MMP26: variants seen among roughly 807,000 people sequenced by gnomAD.
MMP26 encodes matrix metallopeptidase 26, also known as matrix metalloproteinase-26.
A neutral mutation model predicts 31.0 loss-of-function variants in MMP26; 33 were observed. The ratio of observed to expected loss-of-function variants is 1.06; its 90% CI spans 0.81 to 1.42. The LOEUF is 1.42. MMP26 is among the 40% of genes most tolerant of loss of function. The pLI, the probability that MMP26 is intolerant of heterozygous loss-of-function variation, is 0.00. For missense variants in MMP26, 347 were observed against 316.1 expected (o/e 1.10, Z -0.74); for synonymous variants, 122 against 114.9 (o/e 1.06, Z -0.40).
At chr11:4,943,463 T>C (rs1348864156) in intron 2 of MMP26, 6 of 456,192 alleles carry the variant, frequency 1.3e-5, no homozygotes, top group Middle Eastern at 3.3e-4. Context: ...CATTTGTTAT[T>C]TGATAGTTAC....
chr11:4,972,713 G>T (rs1014214902), intron 2 of MMP26, among the ~76,000 whole-genome samples: 2 of 152,128 alleles, frequency 1.3e-5, no homozygotes, highest in Non-Finnish European at 2.9e-5. Context: ...TGTGTTCATA[G>T]GAGTGGTAAG....
chr11:4,709,927 T>C (rs1013192362), intron 1 of MMP26: 1 of 457,010 alleles, frequency 2.2e-6, no homozygotes, highest in Non-Finnish European at 4.4e-6. Context: ...CTTTTGGCAA[T>C]GGCCTTTGAC....
chr11:4,788,947 G>T (rs1269600512), intron 2 of MMP26, among the ~76,000 whole-genome samples: 4 of 152,058 alleles, frequency 2.6e-5, no homozygotes, highest in Non-Finnish European at 4.4e-5. Context: ...TTTTTGCCCT[G>T]GTATTACCTA....
chr11:4,858,874 A>T (rs2133509369), intron 2 of MMP26, among the ~76,000 whole-genome samples: 1 of 152,282 alleles, frequency 6.6e-6, no homozygotes, highest in East Asian at 1.9e-4. Context: ...CAAAACAGAG[A>T]TCTAGACCAA....
At chr11:4,937,850 G>A (rs113461373) in intron 2 of MMP26, 2,844 of 152,704 alleles carry the variant, frequency 0.019, 34 homozygotes, top group Middle Eastern at 0.037. Context: ...GAAGTCAGAA[G>A]AACCCCTGTT....
intron 2 of MMP26, among the ~76,000 whole-genome samples, chr11:4,829,552 C>T (rs115420055): frequency 0.016 from 2,394 of 152,164 alleles, 58 homozygotes; most frequent in African/African-American, 0.054. Flanking sequence ...TGAACAATTT[C>T]CCTTCTGAAC....
chr11:4,830,821 C>T (rs1207530216), intron 2 of MMP26, among the ~76,000 whole-genome samples: 1 of 152,112 alleles, frequency 6.6e-6, no homozygotes, highest in Non-Finnish European at 1.5e-5. Flanking sequence ...GCACTGGTCA[C>T]CAATCTGAAG....
At chr11:4,761,048 G>C (rs1019268406) in intron 1 of MMP26, among the ~76,000 whole-genome samples, 1 of 152,188 alleles carries the variant, frequency 6.6e-6, no homozygotes, top group East Asian at 1.9e-4. Context: ...AAACAGTGGA[G>C]GGTGAGTGGA....
intron 2 of MMP26, chr11:4,913,301 G>T (rs181690277): frequency 1.2e-4 from 18 of 152,314 alleles, no homozygotes; most frequent in African/African-American, 4.1e-4. Flanking sequence ...GTACTAGATT[G>T]CCTTGGAAGA....
At chr11:4,910,817 A>C (rs1333179104) in intron 2 of MMP26, among the ~76,000 whole-genome samples, 2 of 148,312 alleles carry the variant, frequency 1.3e-5, no homozygotes, top group African/African-American at 5.0e-5. Flanking sequence ...TAAATGCATG[A>C]GTGACCATCA....
chr11:4,978,007 C>T (rs985505038), intron 2 of MMP26, among the ~76,000 whole-genome samples: 2 of 151,948 alleles, frequency 1.3e-5, no homozygotes, highest in African/African-American at 4.8e-5. Flanking sequence ...ATGGTTCCCC[C>T]ATGTTGTTTT....
chr11:4,746,286 A>G lies in MMP26; in HGVS notation c.-216-20984A>G, dbSNP rs541173829. Among the ~76,000 whole-genome samples the G allele has an allele frequency of 2.0e-5, 3 of 152,354 alleles. No individual in the cohort carries two copies. In the South Asian group the frequency reaches 6.2e-4, roughly 32 times the overall value. On this transcript the variant is annotated intron_variant, in intron 1 of 7. Transcript: ENST00000380390. ...TTTGATTTTATACCATGGTTGCAGT[A>G]AAGTAGAATTACTGGTTAAAGTTCT...
At chr11:4,946,843 G>A (rs775979840) in intron 2 of MMP26, 22 of 1,589,410 alleles carry the variant, frequency 1.4e-5, no homozygotes, top group Non-Finnish European at 1.9e-5. Context: ...TGAACAGGAA[G>A]ATGCTTAACA....
At chr11:4,721,368 A>C (rs1213863976) in intron 1 of MMP26, among the ~76,000 whole-genome samples, 1 of 152,166 alleles carries the variant, frequency 6.6e-6, no homozygotes, top group African/African-American at 2.4e-5. Context: ...ATGCTAGTTG[A>C]CAATTTTGGG....
At chr11:4,988,802 T>A (rs1423572766) in intron 3 of MMP26, among the ~76,000 whole-genome samples, 1 of 152,200 alleles carries the variant, frequency 6.6e-6, no homozygotes, top group African/African-American at 2.4e-5. Context: ...TTATAACTGG[T>A]TGCAGTCATG....
intron 2 of MMP26, chr11:4,915,233 G>C: frequency 6.2e-7 from 1 of 1,613,982 alleles, no homozygotes; most frequent in Middle Eastern, 1.7e-4. Flanking sequence ...GCCAATGACT[G>C]TGTTGGTGAG....
rs752439769 is a variant in MMP26, at chr11:4,769,487, A to G, written c.-145+2146A>G. 4 of 1,613,830 alleles carry G rather than the reference A, an allele frequency of 2.5e-6. No individual in the cohort carries two copies. The African/African-American group carries it at 5.3e-5, about 22-fold the overall frequency. ...TGTAATCATCAGAAGACCCATTTGAATGATTCTGGAATTAGTGAGAATGGT... is the reference window on the plus strand; with the variant it reads ...TGTAATCATCAGAAGACCCATTTGAGTGATTCTGGAATTAGTGAGAATGGT... On this transcript the variant is annotated intron_variant, in intron 2 of 7. Transcript: ENST00000380390.
intron 2 of MMP26, among the ~76,000 whole-genome samples, chr11:4,905,457 A>G (rs546162057): frequency 1.3e-5 from 2 of 152,282 alleles, no homozygotes; most frequent in South Asian, 4.1e-4. Flanking sequence ...AAAATACAGT[A>G]TGAATTCACA....
rs908422594 is a variant in MMP26, at chr11:4,710,567, C to A, written c.-217+5522C>A. ...AAGTCTTCCCTGACCCATGTTTGAT[C>A]ATTCAGTACTGTGAGTTACTGTTGT... On this transcript the variant is annotated intron_variant, in intron 1 of 7. Transcript: ENST00000380390. The A allele has an allele frequency of 1.4e-5, 5 of 368,102 alleles. 1 individual carries two copies. Among genetic ancestry groups the A allele is most frequent in the Non-Finnish European group, 2.2e-5 (4 of 183,522 alleles). The allele number at this position is 368,102 out of a possible 1,614,324, so 22.8% of individuals were successfully genotyped here.
Sources: gnomAD v4.1 joint callset for allele counts (sites outside exome capture counted in the v4.1 genomes callset) on GRCh38, gnomAD v4.1.1 for gene constraint, MANE v1.5 for transcripts, NCBI Gene and HGNC (gene_info 2026-07-23, HGNC 2026-07-21) for gene names.